Variants in RTN4 observed in about 807,000 individuals in gnomAD.
The protein encoded by RTN4 is reticulon 4, also known as reticulon-4.
Under a neutral mutation model 90.4 loss-of-function variants are expected in RTN4, and 32 were observed. The observed-to-expected ratio is 0.35, with a 90% CI of 0.27 to 0.48. The LOEUF (loss-of-function observed/expected upper bound fraction) is 0.48. RTN4 is among the 20% of genes least tolerant of loss of function. RTN4 has a pLI of 0.99. For missense variants in RTN4, 1,706 were observed against 1,430.2 expected, an observed-to-expected ratio of 1.19 and a Z score of -3.11; for synonymous variants, 629 against 552.5, an observed-to-expected ratio of 1.14 and a Z score of -1.94.
In RTN4 at chr2:55,049,945, G is replaced by A; in HGVS notation, c.356C>T (p.Ala119Val). The A allele has an allele frequency of 7.4e-7, 1 of 1,350,850 alleles. No individual in the cohort carries two copies. The highest frequency in any genetic ancestry group is 3.1e-5 in the East Asian group (1 of 32,338). 83.7% of individuals were successfully genotyped at this position (1,350,850 alleles called of 1,614,324 possible). ...DPSPVSSTVP[A>V]PSPLSAAAVS... ...TGCGGCAGCAGACAGCGGGGATGGC[G>A]CGGGCACGGTCGACGACACCGGGCT... The change falls in exon 1 of 9, where the codon GCG becomes GTG. Residue 119 changes from alanine (A) to valine (V), a missense_variant. Transcript: ENST00000337526.
Position 55,025,969 on chromosome 2 carries a change from T to C in RTN4, c.2130A>G (p.Glu710=), listed in dbSNP as rs1573414347. The C allele has an allele frequency of 6.2e-7, 1 of 1,612,978 alleles. No homozygotes were observed. Among genetic ancestry groups the C allele is most frequent in the Non-Finnish European group, 8.5e-7 (1 of 1,179,816 alleles). ...DLIKETKLSA[E]PAPDFSDYSE... ...AATAATCAGAGAAATCCGGAGCTGG[T>C]TCAGCAGAAAGCTTTGTTTCTTTAA... Residue 710 remains glutamate, a synonymous_variant, in exon 3 of 9, where the codon GAA becomes GAG. Transcript: ENST00000337526.
intron 2 of RTN4, among the ~76,000 whole-genome samples, chr2:55,069,027 TAGAG>T (rs1472938489): frequency 1.3e-5 from 2 of 152,186 alleles, no homozygotes; most frequent in African/African-American, 4.8e-5. Context: ...AGTGCAAAAT[TAGAG>T]AGAAGTGGCA....
chr2:55,056,352 G>A (rs574062496), intron 2 of RTN4: 6 of 152,178 alleles, frequency 3.9e-5, no homozygotes, highest in Non-Finnish European at 7.4e-5. Flanking sequence ...CTTATTTTAC[G>A]TAATAATGGC....
At position 55,050,239 on chromosome 2, in the gene RTN4, G is replaced by C; in HGVS notation, c.62C>G (p.Pro21Arg). Residue 21 changes from proline (P) to arginine (R), a missense_variant, in exon 1 of 9, where the codon CCC becomes CGC. Pro to Arg is a moderately radical substitution (Grantham distance 103). Coordinates refer to ENST00000337526, the MANE Select transcript of RTN4 (RefSeq NM_020532.5). This position sits in a 1 kb window ranked among gnomAD's most constrained non-coding sequence, Gnocchi z 4.6. ...CCTCACGAACTGGTACTTGAACGCG[G>C]GCTGCGGCCGGGGTGGGCTGTCCGA... ...SSSDSPPRPQ[P>R]AFKYQFVREP... The C allele has an allele frequency of 1.3e-6, 2 of 1,547,270 alleles. No homozygotes were observed. The highest frequency in any genetic ancestry group is 1.7e-6 in the Non-Finnish European group (2 of 1,148,310).
At chr2:55,047,191 G>A (rs1478885236) in intron 1 of RTN4, among the ~76,000 whole-genome samples, 1 of 151,964 alleles carries the variant, frequency 6.6e-6, no homozygotes, top group Non-Finnish European at 1.5e-5. Flanking sequence ...TTAGCCAGGC[G>A]TGGTGGCAGG....
intron 2 of RTN4, among the ~76,000 whole-genome samples, chr2:55,064,774 T>C (rs1402292364): frequency 6.6e-6 from 1 of 152,246 alleles, no homozygotes; most frequent in East Asian, 1.9e-4. Flanking sequence ...TTCTGGTTAA[T>C]CTTTAGTTAA....
chr2:55,067,055 ACT>A (rs1371017367), intron 2 of RTN4, among the ~76,000 whole-genome samples: 2 of 152,232 alleles, frequency 1.3e-5, no homozygotes, highest in Non-Finnish European at 2.9e-5. Context: ...TATAATGTAC[ACT>A]GTTCATATAC....
chr2:55,128,809 A>G, the RTN4 span, among the ~76,000 whole-genome samples: 10 of 152,094 alleles, frequency 6.6e-5, no homozygotes, highest in East Asian at 1.2e-3. Context: ...GAAAAAAAAA[A>G]AGGGGTGGGA....
the RTN4 span, among the ~76,000 whole-genome samples, chr2:55,121,721 T>G: frequency 7.2e-5 from 11 of 152,322 alleles, no homozygotes; most frequent in East Asian, 2.1e-3. Context: ...GAAAATGGGA[T>G]TTGAGTGAGG....
At chr2:55,052,838 G>A (rs770531749), upstream of RTN4, among the ~76,000 whole-genome samples, 11 of 152,108 alleles carry the variant, frequency 7.2e-5, no homozygotes, top group African/African-American at 1.9e-4. Flanking sequence ...TTCCCACTAT[G>A]ACTGTTCTGA....
chr2:54,976,679 G>C (rs1394123480), intron 5 of RTN4, among the ~76,000 whole-genome samples: 1 of 152,150 alleles, frequency 6.6e-6, no homozygotes, highest in East Asian at 1.9e-4. Flanking sequence ...GAGAGAAAGG[G>C]GTGGCAGCAA....
Position 54,979,304 on chromosome 2 carries a change from C to A in RTN4, c.3360+3211G>T, listed in dbSNP as rs1019691039. 1.1e-4 allele frequency among the ~76,000 whole-genome samples: 17 copies of A among 152,170 alleles called. 1 individual carries two copies. Among genetic ancestry groups the A allele is most frequent in the African/African-American group, 4.1e-4 (17 of 41,520 alleles). On this transcript the variant is annotated intron_variant, in intron 5 of 8. Coordinates refer to ENST00000337526, the MANE Select transcript of RTN4 (RefSeq NM_020532.5). ...AACTCCTGGCCTCAAGCAATCCTTC[C>A]GCCTTGGCCTCCCAAAGTGCTGGGA...
At chr2:55,019,144 G>C (rs990683037) in intron 3 of RTN4, among the ~76,000 whole-genome samples, 1 of 152,136 alleles carries the variant, frequency 6.6e-6, no homozygotes, top group Non-Finnish European at 1.5e-5. Flanking sequence ...CCATTGGAAA[G>C]AAAATGGAAA....
rs117017256 is a variant in RTN4, at chr2:55,096,909, C to T, written c.-214+15611G>A. ...AATGAGGTGTAGTTGGAGTGACAGT[C>T]ATTGTAAATGGATAATTGCAAGGTT... is the stretch of plus-strand genomic sequence containing the variant. On this transcript the variant is annotated intron_variant, in intron 1 of 3. Coordinates refer to the RTN4 transcript ENST00000427710. Among the ~76,000 whole-genome samples the T allele has an allele frequency of 2.4e-3, 364 of 151,988 alleles. 6 individuals are homozygous for T. In the East Asian group the frequency reaches 0.045, roughly 19 times the overall value.
chr2:54,983,201 T>C (rs1280432224), intron 4 of RTN4, among the ~76,000 whole-genome samples: 1 of 151,962 alleles, frequency 6.6e-6, no homozygotes, highest in Admixed American at 6.6e-5. Flanking sequence ...AGCACCAGAT[T>C]GTAAAGTGGC....
chr2:55,016,079 AAAGGAACAATCT>A (rs375096225), intron 3 of RTN4, among the ~76,000 whole-genome samples: 160 of 152,306 alleles, frequency 1.1e-3, no homozygotes, highest in African/African-American at 3.4e-3. Flanking sequence ...TATCAATAAC[AAAGGAACAATCT>A]AAGGGTCCAA....
At chr2:54,982,077 T>C (rs1230232426) in intron 5 of RTN4, among the ~76,000 whole-genome samples, 1 of 151,968 alleles carries the variant, frequency 6.6e-6, no homozygotes, top group Non-Finnish European at 1.5e-5. Flanking sequence ...GTGCCTCAGC[T>C]TCCTGAGTAG....
At chr2:55,081,862 C>CA (rs71410421) in intron 1 of RTN4, among the ~76,000 whole-genome samples, 1,386 of 105,402 alleles carry the variant, frequency 0.013, 94 homozygotes, top group African/African-American at 0.046. Context: ...GACCCTGTCT[C>CA]AAAAAAAAAA....
At chr2:55,002,489 A>G (rs1231973692) in intron 3 of RTN4, among the ~76,000 whole-genome samples, 2 of 152,220 alleles carry the variant, frequency 1.3e-5, no homozygotes, top group African/African-American at 2.4e-5. Context: ...GTGAAGTTCA[A>G]TAACACCATA....
Sources: gnomAD v4.1 joint callset for allele counts (sites outside exome capture counted in the v4.1 genomes callset) on GRCh38, gnomAD v4.1.1 for gene constraint, Gnocchi (gnomAD v3.1) non-coding constraint, MANE v1.5 for transcripts, NCBI Gene and HGNC (gene_info 2026-07-23, HGNC 2026-07-21) for gene names.